Variants in AGBL1 observed in about 807,000 individuals in gnomAD.
AGBL1 encodes the protein cytosolic carboxypeptidase 4.
Under a neutral mutation model 118.9 loss-of-function variants are expected in AGBL1, and 130 were observed. The ratio of observed to expected loss-of-function variants is 1.09; its 90% CI spans 0.95 to 1.26. The LOEUF (loss-of-function observed/expected upper bound fraction) is 1.26. Ranked by LOEUF, AGBL1 falls within the 50% of genes most tolerant of loss-of-function variation. The pLI, the probability that AGBL1 is intolerant of heterozygous loss-of-function variation, is 0.00. For synonymous variants in AGBL1, 555 were observed against 478.9 expected, an observed-to-expected ratio of 1.16 and a Z score of -2.08; for missense variants, 1,584 against 1,298.1, an observed-to-expected ratio of 1.22 and a Z score of -3.38.
chr15:86,568,861 G>C (rs895284189), intron 21 of AGBL1, among the ~76,000 whole-genome samples: 1 of 152,154 alleles, frequency 6.6e-6, no homozygotes. Context: ...CAACTTTTCT[G>C]TTAAGGCAAG....
At chr15:86,464,406 C>A (rs1434454649) in intron 18 of AGBL1, among the ~76,000 whole-genome samples, 1 of 152,196 alleles carries the variant, frequency 6.6e-6, no homozygotes, top group Non-Finnish European at 1.5e-5. Flanking sequence ...TTGACTTCCT[C>A]TCCTCCTGTT....
chr15:86,352,918 T>C (rs1051804693), intron 17 of AGBL1, among the ~76,000 whole-genome samples: 2 of 152,232 alleles, frequency 1.3e-5, no homozygotes, highest in Non-Finnish European at 2.9e-5. Context: ...AGTAGCTTAA[T>C]AGTCTTAAGA....
intron 24 of AGBL1, among the ~76,000 whole-genome samples, chr15:87,010,107 T>A (rs757878542): frequency 1.3e-5 from 2 of 152,130 alleles, no homozygotes; most frequent in Non-Finnish European, 2.9e-5. Context: ...AATGATATGG[T>A]TTGGCTGTCT....
At chr15:86,809,178 C>G (rs1263949835) in intron 22 of AGBL1, among the ~76,000 whole-genome samples, 4 of 152,124 alleles carry the variant, frequency 2.6e-5, no homozygotes, top group African/African-American at 9.7e-5. Context: ...AATCCAAGAT[C>G]TGTTTCACTG....
chr15:86,951,323 C>T (rs1047435165), intron 23 of AGBL1, among the ~76,000 whole-genome samples: 5 of 152,298 alleles, frequency 3.3e-5, no homozygotes, highest in South Asian at 4.1e-4. Flanking sequence ...CTGTTCTACT[C>T]TTTGCTATTA....
chr15:86,203,303 G>T (rs2077937395), intron 5 of AGBL1, among the ~76,000 whole-genome samples: 1 of 152,126 alleles, frequency 6.6e-6, no homozygotes, highest in African/African-American at 2.4e-5. Flanking sequence ...AAAATGTTAT[G>T]CTTACGTTTT....
intron 23 of AGBL1, chr15:86,935,022 A>C (rs1339186181): frequency 1.3e-5 from 2 of 152,348 alleles, no homozygotes; most frequent in African/African-American, 4.8e-5. Context: ...TAAAAACTAT[A>C]AAATAAATTT....
chr15:86,473,078 T>C (rs2082501582), intron 18 of AGBL1, among the ~76,000 whole-genome samples: 1 of 152,242 alleles, frequency 6.6e-6, no homozygotes, highest in African/African-American at 2.4e-5. Context: ...GAAATGTTAC[T>C]TTAAAATATC....
chr15:86,121,955 C>A (rs546668186), intron 1 of AGBL1, among the ~76,000 whole-genome samples: 3 of 152,308 alleles, frequency 2.0e-5, no homozygotes, highest in African/African-American at 7.2e-5. Flanking sequence ...CAAGGCCAAA[C>A]TTAAGGGAAA....
At chr15:86,876,282 A>G (rs1267256264) in intron 22 of AGBL1, among the ~76,000 whole-genome samples, 1 of 152,100 alleles carries the variant, frequency 6.6e-6, no homozygotes, top group Non-Finnish European at 1.5e-5. Flanking sequence ...CAACCCAGTA[A>G]CCTGGTCTGT....
At chr15:87,027,680 C>T (rs143812207) in intron 24 of AGBL1, among the ~76,000 whole-genome samples, 156 of 151,892 alleles carry the variant, frequency 1.0e-3, no homozygotes, top group African/African-American at 3.6e-3. Flanking sequence ...GGTACATATA[C>T]GCCATGGAAT....
intron 21 of AGBL1, among the ~76,000 whole-genome samples, chr15:86,663,848 C>T (rs1000993824): frequency 1.3e-5 from 2 of 152,078 alleles, no homozygotes; most frequent in East Asian, 1.9e-4. Context: ...GCAGTTTATG[C>T]ATCCGAAAAA....
At chr15:86,973,661 A>C (rs1044229751) in intron 23 of AGBL1, among the ~76,000 whole-genome samples, 1 of 151,856 alleles carries the variant, frequency 6.6e-6, no homozygotes, top group African/African-American at 2.4e-5. Flanking sequence ...AGCAACTTCT[A>C]TTCTCCAGGC....
chr15:86,204,078 T>C lies in AGBL1; in HGVS notation c.489-20836T>C, dbSNP rs567812439. 2.4e-4 allele frequency among the ~76,000 whole-genome samples: 37 copies of C among 152,170 alleles called. 1 individual carries two copies. The highest frequency in any genetic ancestry group is 3.4e-3 in the Middle Eastern group (1 of 294). On this transcript the variant is annotated intron_variant, in intron 5 of 22. Transcript: ENST00000614907. ...GAGGAGTCTGGGACAATAGCCAAGA[T>C]CTTTATAGGGAGGCTGAAAAAAGCA...
intron 17 of AGBL1, among the ~76,000 whole-genome samples, chr15:86,313,430 T>G (rs931092054): frequency 1.3e-5 from 2 of 152,230 alleles, no homozygotes; most frequent in Non-Finnish European, 1.5e-5. Flanking sequence ...GTTTCTTAAG[T>G]TGTTATGAAA....
chr15:86,686,597 C>A (rs1407416214), intron 22 of AGBL1, among the ~76,000 whole-genome samples: 2 of 151,876 alleles, frequency 1.3e-5, no homozygotes, highest in Non-Finnish European at 2.9e-5. Flanking sequence ...GCTACCACGC[C>A]CAGCTAATTT....
chr15:86,772,878 A>G (rs2078201571), intron 22 of AGBL1, among the ~76,000 whole-genome samples: 1 of 152,066 alleles, frequency 6.6e-6, no homozygotes, highest in Non-Finnish European at 1.5e-5. Flanking sequence ...GTGTGATCAC[A>G]GCAAAAGCCA....
At chr15:86,690,132 G>C (rs994166801) in intron 22 of AGBL1, among the ~76,000 whole-genome samples, 1 of 152,138 alleles carries the variant, frequency 6.6e-6, no homozygotes, top group Non-Finnish European at 1.5e-5. Context: ...TAAGTAAAGA[G>C]TGATACATAC....
At chr15:86,336,863 A>C (rs903954435) in intron 17 of AGBL1, among the ~76,000 whole-genome samples, 1 of 152,222 alleles carries the variant, frequency 6.6e-6, no homozygotes, top group Admixed American at 6.5e-5. Context: ...CTATGATGAC[A>C]CATGATCTTT....
Sources: allele counts gnomAD v4.1 joint callset (sites outside exome capture counted in the v4.1 genomes callset), GRCh38; gene constraint gnomAD v4.1.1; transcripts MANE v1.5; gene names NCBI Gene and HGNC (gene_info 2026-07-23, HGNC 2026-07-21).